NRG1: variants seen among roughly 807,000 people sequenced by gnomAD.
NRG1 encodes the protein neuregulin 1, also known as pro-neuregulin-1, membrane-bound isoform.
Under a neutral mutation model 63.8 loss-of-function variants are expected in NRG1, and 18 were observed. The observed-to-expected ratio is 0.28, with a 90% CI of 0.19 to 0.42. The LOEUF (loss-of-function observed/expected upper bound fraction) is 0.42, where lower values mean the gene tolerates loss of function less well. Among genes scored for constraint, NRG1 ranks in the 10% least tolerant of loss-of-function variants. NRG1 has a pLI of 1.00. For missense variants in NRG1, 762 were observed against 814.7 expected (o/e 0.94, Z 0.79); for synonymous variants, 302 against 301.3 (o/e 1.00, Z -0.02).
At chr8:32,412,442 A>G (rs1228202882) in intron 1 of NRG1, among the ~76,000 whole-genome samples, 18 of 49,372 alleles carry the variant, frequency 3.6e-4, no homozygotes, top group Non-Finnish European at 6.4e-4. Context: ...ATATATATAT[A>G]TATATATATA....
chr8:32,497,144 T>G (rs1490923739), intron 1 of NRG1, among the ~76,000 whole-genome samples: 3 of 152,178 alleles, frequency 2.0e-5, no homozygotes, highest in Non-Finnish European at 4.4e-5. Context: ...GTATAGAATT[T>G]ATCAGAAATA....
chr8:32,595,306 C>G (rs576088548), intron 1 of NRG1, among the ~76,000 whole-genome samples: 2 of 152,102 alleles, frequency 1.3e-5, no homozygotes, highest in Admixed American at 1.3e-4. Flanking sequence ...CCTTCCCCCT[C>G]AGCCTCCCAG....
At chr8:31,924,931 G>A (rs950134507) in intron 1 of NRG1, among the ~76,000 whole-genome samples, 3 of 151,164 alleles carry the variant, frequency 2.0e-5, no homozygotes. Context: ...CTGTATTTGA[G>A]TTCTAGCTTA....
chr8:32,635,015 A>G (rs543840293), intron 5 of NRG1, among the ~76,000 whole-genome samples: 1 of 152,328 alleles, frequency 6.6e-6, no homozygotes, highest in Admixed American at 6.5e-5. Context: ...GAACTGATGT[A>G]TATATATTAC....
At chr8:32,509,095 T>C (rs970962644) in intron 1 of NRG1, among the ~76,000 whole-genome samples, 2 of 145,028 alleles carry the variant, frequency 1.4e-5, no homozygotes, top group African/African-American at 2.6e-5. Context: ...TTATTTTATT[T>C]TATATTTTAT....
chr8:32,107,832 C>A (rs944519904), intron 1 of NRG1, among the ~76,000 whole-genome samples: 1 of 152,128 alleles, frequency 6.6e-6, no homozygotes, highest in Admixed American at 6.6e-5. Flanking sequence ...CCTATAAAGA[C>A]AACCTGAAGG....
intron 1 of NRG1, among the ~76,000 whole-genome samples, chr8:31,921,452 A>G (rs924233419): frequency 3.5e-5 from 5 of 141,454 alleles, no homozygotes; most frequent in African/African-American, 1.3e-4. Flanking sequence ...TGCTTTCACA[A>G]TCTATTTACA....
chr8:32,567,220 A>G (rs1163249988), intron 1 of NRG1, among the ~76,000 whole-genome samples: 1 of 152,222 alleles, frequency 6.6e-6, no homozygotes, highest in Non-Finnish European at 1.5e-5. Context: ...ATTTTGAGAA[A>G]GAAGATCTCT....
At chr8:32,010,535 T>TA (rs1814584376) in intron 1 of NRG1, among the ~76,000 whole-genome samples, 1 of 152,102 alleles carries the variant, frequency 6.6e-6, no homozygotes, top group Non-Finnish European at 1.5e-5. Flanking sequence ...TACTTTTTTT[T>TA]AAATCCCTGT....
chr8:32,149,256 C>T (rs2131810128), intron 1 of NRG1, among the ~76,000 whole-genome samples: 1 of 152,294 alleles, frequency 6.6e-6, no homozygotes, highest in East Asian at 1.9e-4. Flanking sequence ...TGGACTGTAC[C>T]TGTCTCAAAA....
intron 1 of NRG1, among the ~76,000 whole-genome samples, chr8:32,586,828 T>C (rs142422031): frequency 6.6e-6 from 1 of 152,236 alleles, no homozygotes; most frequent in East Asian, 1.9e-4. Context: ...GGATATGTAG[T>C]GACAACAAGG....
intron 1 of NRG1, among the ~76,000 whole-genome samples, chr8:31,854,742 G>A (rs1280052693): frequency 3.3e-5 from 5 of 151,788 alleles, no homozygotes; most frequent in African/African-American, 1.2e-4. Flanking sequence ...TTCTCTTGTG[G>A]GCATTTAGTG....
At chr8:32,113,469 A>G (rs1832304482) in intron 1 of NRG1, among the ~76,000 whole-genome samples, 1 of 151,922 alleles carries the variant, frequency 6.6e-6, no homozygotes. Context: ...TAAAACCACC[A>G]TTTCCTTGGT....
At chr8:32,103,564 T>C (rs368579774) in intron 1 of NRG1, among the ~76,000 whole-genome samples, 2 of 152,350 alleles carry the variant, frequency 1.3e-5, no homozygotes, top group African/African-American at 4.8e-5. Context: ...GTGGGATTGC[T>C]GGATCATATG....
rs557796514 is a variant in NRG1 at position 32,192,998 on chromosome 8, C to T, written c.38-402830C>T. Among the ~76,000 whole-genome samples the T allele has an allele frequency of 9.2e-5, 14 of 152,100 alleles. No individual in the cohort carries two copies. In the South Asian group the frequency reaches 1.5e-3, roughly 16 times the overall value. On this transcript the variant is annotated intron_variant, in intron 1 of 10. Coordinates refer to the NRG1 transcript ENST00000519301. ...GGAGGAATTGTTCTCTGTTTATTTT[C>T]TGATGTTTCCTAGGTACCTAGATCA... is the stretch of plus-strand genomic sequence containing the variant.
chr8:32,074,597 G>A (rs1213959821), intron 1 of NRG1, among the ~76,000 whole-genome samples: 1 of 152,052 alleles, frequency 6.6e-6, no homozygotes, highest in African/African-American at 2.4e-5. Context: ...GTCAGGGGTA[G>A]GTGTGTCTGG....
chr8:31,834,307 G>GCACA (rs1554547024), intron 1 of NRG1, among the ~76,000 whole-genome samples: 183 of 119,514 alleles, frequency 1.5e-3, no homozygotes, highest in Middle Eastern at 0.011. Context: ...GCGCACGCGC[G>GCACA]CACACACACA....
intron 1 of NRG1, among the ~76,000 whole-genome samples, chr8:32,057,200 A>T (rs1823090385): frequency 1.3e-5 from 2 of 152,198 alleles, no homozygotes; most frequent in Non-Finnish European, 2.9e-5. Flanking sequence ...AATTCGTGTG[A>T]ATAGATCTCT....
chr8:31,740,312 A>G (rs1017076132), intron 1 of NRG1, among the ~76,000 whole-genome samples: 2 of 152,056 alleles, frequency 1.3e-5, no homozygotes, highest in Non-Finnish European at 2.9e-5. Flanking sequence ...TTTTTACTGT[A>G]TATTAAAATG....
Sources: gnomAD v4.1 joint callset for allele counts (sites outside exome capture counted in the v4.1 genomes callset) on GRCh38, gnomAD v4.1.1 for gene constraint, MANE v1.5 for transcripts, NCBI Gene and HGNC (gene_info 2026-07-23, HGNC 2026-07-21) for gene names.